EPC2: variants seen among roughly 807,000 people sequenced by gnomAD.
The protein encoded by EPC2 is enhancer of polycomb 2, also known as enhancer of polycomb homolog 2.
EPC2 carries 14 observed loss-of-function variants against 92.1 expected under a neutral mutation model. That is an observed-to-expected ratio of 0.15 (90% CI 0.10 to 0.24). The LOEUF (loss-of-function observed/expected upper bound fraction) is 0.24. Ranked by LOEUF, EPC2 falls within the 10% of genes least tolerant of loss-of-function variation. EPC2 has a pLI of 1.00. For missense variants in EPC2, 755 were observed against 971.5 expected (o/e 0.78, Z 2.96); for synonymous variants, 340 against 334.7 (o/e 1.02, Z -0.17).
At chr2:148,700,482 C>T (rs115211622) in intron 2 of EPC2, among the ~76,000 whole-genome samples, 1,775 of 133,354 alleles carry the variant, frequency 0.013, 21 homozygotes, top group Non-Finnish European at 0.021. Flanking sequence ...AAAGACTCCC[C>T]CCCTCCCCCC....
chr2:148,699,164 CAAAT>C lies in EPC2; in HGVS notation c.313+8795_313+8798del, dbSNP rs754696517. ...ATAAGATTTTAGGCTTTTTAAAAAA[CAAAT>C]AAACTATATTTTAAAACACGATTTT... On this transcript the variant is annotated intron_variant, in intron 2 of 13. Coordinates refer to ENST00000258484, the MANE Select transcript of EPC2 (RefSeq NM_015630.4). 1.1e-4 allele frequency among the ~76,000 whole-genome samples: 17 copies of C among 152,102 alleles called. No individual in the cohort carries two copies. In the South Asian group the frequency reaches 1.5e-3, roughly 13 times the overall value.
At chr2:148,647,526 T>C (rs943506049) in intron 1 of EPC2, among the ~76,000 whole-genome samples, 3 of 151,930 alleles carry the variant, frequency 2.0e-5, no homozygotes, top group Non-Finnish European at 2.9e-5. Context: ...CAGGCTGGTC[T>C]CAGACTCCTG....
At chr2:148,778,344 A>G (rs539853122) in intron 10 of EPC2, among the ~76,000 whole-genome samples, 36 of 152,236 alleles carry the variant, frequency 2.4e-4, no homozygotes, top group Non-Finnish European at 4.0e-4. Context: ...CTGGGTCTCT[A>G]TCTTGTATCT....
At chr2:148,662,841 T>A (rs1454200288) in intron 1 of EPC2, among the ~76,000 whole-genome samples, 1 of 151,832 alleles carries the variant, frequency 6.6e-6, no homozygotes, top group East Asian at 1.9e-4. Context: ...TTTTAAAAAC[T>A]CTTTAGTTTT....
At chr2:148,675,728 G>A (rs1026470703) in intron 1 of EPC2, among the ~76,000 whole-genome samples, 1 of 152,086 alleles carries the variant, frequency 6.6e-6, no homozygotes, top group African/African-American at 2.4e-5. Context: ...CGGCACTCTT[G>A]TGCTGATGGC....
intron 1 of EPC2, among the ~76,000 whole-genome samples, chr2:148,647,092 A>C (rs1683819015): frequency 6.6e-6 from 1 of 152,138 alleles, no homozygotes; most frequent in Non-Finnish European, 1.5e-5. Context: ...CCTGGGGGAC[A>C]GAGCGAGACT....
intron 3 of EPC2, among the ~76,000 whole-genome samples, chr2:148,749,088 G>T (rs1401649998): frequency 1.3e-5 from 2 of 151,994 alleles, no homozygotes; most frequent in African/African-American, 4.8e-5. Context: ...GCTTTACATT[G>T]TTACTTCTGC....
At chr2:148,759,540 T>G (rs569634631) in intron 4 of EPC2, among the ~76,000 whole-genome samples, 37 of 152,344 alleles carry the variant, frequency 2.4e-4, no homozygotes, top group Non-Finnish European at 5.3e-4. Flanking sequence ...AATAGGATTA[T>G]ATTAATGTTA....
At chr2:148,671,107 G>A (rs1460476840) in intron 1 of EPC2, among the ~76,000 whole-genome samples, 1 of 152,140 alleles carries the variant, frequency 6.6e-6, no homozygotes, top group Non-Finnish European at 1.5e-5. Context: ...ACCTTATTAA[G>A]TTGCTTAGGT....
intron 10 of EPC2, among the ~76,000 whole-genome samples, chr2:148,781,377 T>C (rs547418362): frequency 6.6e-6 from 1 of 152,326 alleles, no homozygotes; most frequent in African/African-American, 2.4e-5. Context: ...TCTGAATAAA[T>C]GGTAAAATAC....
intron 2 of EPC2, among the ~76,000 whole-genome samples, chr2:148,727,812 G>T (rs951882909): frequency 5.3e-5 from 8 of 152,102 alleles, no homozygotes; most frequent in Non-Finnish European, 1.2e-4. Context: ...AAAATAACAT[G>T]ATCTTGTTTT....
At chr2:148,771,790 T>TC (rs1683525888) in intron 10 of EPC2, among the ~76,000 whole-genome samples, 1 of 150,254 alleles carries the variant, frequency 6.7e-6, no homozygotes, top group East Asian at 2.0e-4. Context: ...TTTAGGAGAC[T>TC]CCCTGTGAAT....
At chr2:148,693,693 T>G (rs960716427) in intron 2 of EPC2, among the ~76,000 whole-genome samples, 6 of 152,110 alleles carry the variant, frequency 3.9e-5, no homozygotes, top group Non-Finnish European at 7.4e-5. Flanking sequence ...TCCTAATTTC[T>G]TTAACCCATC....
At chr2:148,678,079 C>T (rs186310338) in intron 1 of EPC2, among the ~76,000 whole-genome samples, 2 of 152,276 alleles carry the variant, frequency 1.3e-5, no homozygotes, top group East Asian at 3.9e-4. Context: ...GCTGAGTGGT[C>T]TGTTTTGACA....
At chr2:148,687,622 C>CTATGATG (rs1401005169) in intron 1 of EPC2, among the ~76,000 whole-genome samples, 1 of 152,146 alleles carries the variant, frequency 6.6e-6, no homozygotes, top group East Asian at 1.9e-4. Flanking sequence ...GAGATGCTGA[C>CTATGATG]TATGATGTAG....
chr2:148,763,143 A>G (rs1032492064), intron 6 of EPC2, among the ~76,000 whole-genome samples: 4 of 152,178 alleles, frequency 2.6e-5, no homozygotes, highest in African/African-American at 9.6e-5. Context: ...AGTTATTATC[A>G]CTAGCCTTAG....
chr2:148,751,554 A>G (rs897986835), intron 3 of EPC2, among the ~76,000 whole-genome samples: 17 of 152,120 alleles, frequency 1.1e-4, no homozygotes, highest in African/African-American at 3.6e-4. Context: ...GGGTCTCAGT[A>G]TGCTGTCCAG....
At chr2:148,703,596 A>G (rs928368769) in intron 2 of EPC2, among the ~76,000 whole-genome samples, 10 of 152,088 alleles carry the variant, frequency 6.6e-5, no homozygotes, top group Non-Finnish European at 1.5e-4. Context: ...TGGTGTGATC[A>G]TGGTTCACTG....
intron 2 of EPC2, among the ~76,000 whole-genome samples, chr2:148,697,539 T>C (rs1253495900): frequency 1.3e-5 from 2 of 152,204 alleles, no homozygotes; most frequent in Non-Finnish European, 2.9e-5. Context: ...TTTTACTGTA[T>C]TGCCTAGAGT....
Sources: allele counts gnomAD v4.1 joint callset (sites outside exome capture counted in the v4.1 genomes callset), GRCh38; gene constraint gnomAD v4.1.1; transcripts MANE v1.5; gene names NCBI Gene and HGNC (gene_info 2026-07-23, HGNC 2026-07-21).